The following MTA3 variants were observed in gnomAD, a reference collection of about 807,000 sequenced individuals.
MTA3 encodes metastasis associated 1 family member 3.
In MTA3, 34 loss-of-function variants were observed where a neutral mutation model predicts 83.5. The ratio of observed to expected loss-of-function variants is 0.41; its 90% CI spans 0.31 to 0.54. MTA3 has a LOEUF of 0.54. Ranked by LOEUF, MTA3 falls within the 20% of genes least tolerant of loss-of-function variation. The probability of loss-of-function intolerance (pLI) is 0.33; values close to 1 mark genes in which losing one functional copy is unlikely to be tolerated. For missense variants in MTA3, 761 were observed against 726.4 expected, an observed-to-expected ratio of 1.05 and a Z score of -0.55; for synonymous variants, 303 against 252.7, an observed-to-expected ratio of 1.20 and a Z score of -1.89.
intron 2 of MTA3, among the ~76,000 whole-genome samples, chr2:42,537,728 CAG>C (rs1275087544): frequency 6.6e-6 from 1 of 152,116 alleles, no homozygotes; most frequent in African/African-American, 2.4e-5. Context: ...TATCACCTAT[CAG>C]GGACATTATT....
intron 2 of MTA3, among the ~76,000 whole-genome samples, chr2:42,576,737 A>T (rs1024065288): frequency 6.6e-6 from 1 of 151,202 alleles, no homozygotes; most frequent in African/African-American, 2.4e-5. Flanking sequence ...GTCTCTACTA[A>T]AAGTGCAAAA....
chr2:42,500,285 G>C (rs1209592580), intron 2 of MTA3, among the ~76,000 whole-genome samples: 1 of 152,026 alleles, frequency 6.6e-6, no homozygotes, highest in Non-Finnish European at 1.5e-5. Flanking sequence ...TGTAATACCA[G>C]CTACTCGGGA....
At chr2:42,609,397 T>C in intron 3 of MTA3, 61 bp from the exon 4 acceptor site, 1 of 1,516,058 alleles carries the variant, frequency 6.6e-7, no homozygotes, top group East Asian at 2.3e-5. Flanking sequence ...TTGATCTGTT[T>C]CAATATCCAA....
chr2:42,711,776 G>GTGTGTGT (rs1455248002), intron 14 of MTA3, among the ~76,000 whole-genome samples: 5 of 41,558 alleles, frequency 1.2e-4, no homozygotes, highest in Non-Finnish European at 1.9e-4. Flanking sequence ...GTATAGGAGA[G>GTGTGTGT]AGAGAGAGTG....
intron 2 of MTA3, among the ~76,000 whole-genome samples, chr2:42,577,640 C>T (rs1679203834): frequency 6.6e-6 from 1 of 151,954 alleles, no homozygotes; most frequent in Admixed American, 6.6e-5. Context: ...GCCACCACAC[C>T]CAGCTAATTT....
upstream of MTA3, chr2:42,568,339 C>T (rs2103816319): frequency 5.7e-6 from 1 of 174,350 alleles, no homozygotes; most frequent in Admixed American, 6.3e-5. Flanking sequence ...TCTAACAGCC[C>T]CTGGTCCGCA....
At chr2:42,633,195 AGAGGTTGCAGTGAGCC>A (rs1028660315) in intron 4 of MTA3, among the ~76,000 whole-genome samples, 16 of 151,822 alleles carry the variant, frequency 1.1e-4, no homozygotes, top group South Asian at 8.3e-4. Context: ...CCTGGAAGGC[AGAGGTTGCAGTGAGCC>A]GAGGTTGCAG....
At chr2:42,641,072 A>C (rs1687650458) in intron 5 of MTA3, among the ~76,000 whole-genome samples, 1 of 151,922 alleles carries the variant, frequency 6.6e-6, no homozygotes, top group African/African-American at 2.4e-5. Context: ...ATACCCGGCT[A>C]ATTTTTGTGT....
intron 3 of MTA3, among the ~76,000 whole-genome samples, chr2:42,593,683 CTTTA>C (rs1401172048): frequency 7.1e-6 from 1 of 140,942 alleles, no homozygotes; most frequent in East Asian, 2.0e-4. Context: ...TGGCATCTAT[CTTTA>C]TTTATTTATT....
chr2:42,523,389 C>G (rs1394263234), intron 2 of MTA3, among the ~76,000 whole-genome samples: 1 of 152,076 alleles, frequency 6.6e-6, no homozygotes, highest in Admixed American at 6.6e-5. Flanking sequence ...CTTAATTGAA[C>G]GGCGTGTTCT....
chr2:42,625,746 C>CA (rs58956321), intron 4 of MTA3, among the ~76,000 whole-genome samples: 2,754 of 50,542 alleles, frequency 0.054, 72 homozygotes, highest in African/African-American at 0.12. Context: ...GACTCCATCT[C>CA]AAAAAAAAAA....
chr2:42,742,793 C>G (rs1216591417), intron 16 of MTA3, among the ~76,000 whole-genome samples: 2 of 152,126 alleles, frequency 1.3e-5, no homozygotes, highest in Non-Finnish European at 2.9e-5. Context: ...GTCCTGAGAA[C>G]TGTACATAAA....
Position 42,666,943 on chromosome 2 carries a change from G to A in MTA3, c.702+7081G>A, listed in dbSNP as rs369125876. ...AGCATTTTAATGTTTTATAGAGAGC[G>A]TCTCATCACTAAGAGTGATGTGTAT... On this transcript the variant is annotated intron_variant, in intron 8 of 16. Transcript: ENST00000405094. Among the ~76,000 whole-genome samples, 20 of 152,290 alleles carry A rather than the reference G, an allele frequency of 1.3e-4. No homozygotes were observed. In the East Asian group the frequency reaches 1.9e-3, roughly 15 times the overall value.
intron 16 of MTA3, among the ~76,000 whole-genome samples, chr2:42,753,037 C>T (rs894896570): frequency 1.3e-5 from 2 of 152,204 alleles, no homozygotes; most frequent in East Asian, 3.9e-4. Context: ...CAGTCCTCCC[C>T]CCTCAGCCTC....
At chr2:42,680,245 C>G (rs1335307448) in intron 8 of MTA3, 3 of 152,302 alleles carry the variant, frequency 2.0e-5, no homozygotes, top group Non-Finnish European at 2.9e-5. Flanking sequence ...GTTCAGCACC[C>G]CAGAGCCCTA....
intron 8 of MTA3, among the ~76,000 whole-genome samples, chr2:42,668,451 A>AAG (rs989249611): frequency 6.6e-6 from 1 of 152,178 alleles, no homozygotes; most frequent in African/African-American, 2.4e-5. Context: ...GCCTCGGAAA[A>AAG]AGGCTGCCGC....
intron 2 of MTA3, among the ~76,000 whole-genome samples, chr2:42,543,768 G>A (rs1336521258): frequency 6.6e-6 from 1 of 150,826 alleles, no homozygotes. Context: ...TTACAGGCAT[G>A]AGCCGCTATG....
intron 2 of MTA3, among the ~76,000 whole-genome samples, chr2:42,576,269 CT>C (rs1428054038): frequency 6.6e-6 from 1 of 152,100 alleles, no homozygotes; most frequent in Non-Finnish European, 1.5e-5. Flanking sequence ...AGGCAAGAAC[CT>C]TGACATAGAG....
chr2:42,510,382 C>T (rs1043978907), intron 2 of MTA3, among the ~76,000 whole-genome samples: 18 of 151,254 alleles, frequency 1.2e-4, no homozygotes, highest in Admixed American at 6.6e-4. Context: ...TCAATGAGTA[C>T]CCCTGTTATT....
Sources: gnomAD v4.1 joint callset for allele counts (sites outside exome capture counted in the v4.1 genomes callset) on GRCh38, gnomAD v4.1.1 for gene constraint, MANE v1.5 for transcripts, NCBI Gene and HGNC (gene_info 2026-07-23, HGNC 2026-07-21) for gene names.